The following LRP5 variants were observed in gnomAD, a reference collection of about 807,000 sequenced individuals.
LRP5 encodes the protein low-density lipoprotein receptor-related protein 5.
In LRP5, 62 loss-of-function variants were observed where a neutral mutation model predicts 154.1. The ratio of observed to expected loss-of-function variants is 0.40; its 90% CI spans 0.33 to 0.50. The LOEUF is 0.50. Ranked by LOEUF, LRP5 falls within the 20% of genes least tolerant of loss-of-function variation. The probability of loss-of-function intolerance (pLI) is 0.55; values close to 1 mark genes in which losing one functional copy is unlikely to be tolerated. For synonymous variants in LRP5, 966 were observed against 1,011.5 expected (o/e 0.96, Z 0.85); for missense variants, 1,915 against 2,336.7 (o/e 0.82, Z 3.72).
intron 8 of LRP5, among the ~76,000 whole-genome samples, chr11:68,404,776 C>T (rs190801300): frequency 6.2e-4 from 94 of 152,146 alleles, no homozygotes; most frequent in African/African-American, 1.8e-3. Flanking sequence ...CGAGACCATC[C>T]TGGCTAACAA....
rs566185910 is a variant in LRP5, at chr11:68,397,731, A to G, written c.1585-5752A>G. Among the ~76,000 whole-genome samples, 124 of 152,372 alleles carry G rather than the reference A, an allele frequency of 8.1e-4. 1 individual carries two copies. The highest frequency in any genetic ancestry group is 1.5e-3 in the Non-Finnish European group (102 of 68,030). On this transcript the variant is annotated intron_variant, in intron 7 of 22. Transcript: ENST00000294304. ...CCAGAGCAGAGACCCTCTGAGGTCC[A>G]GCCTGAGTTGGGGTCTCCGTGCTGA...
chr11:68,339,703 G>C (rs2098607825), intron 1 of LRP5, among the ~76,000 whole-genome samples: 1 of 152,152 alleles, frequency 6.6e-6, no homozygotes, highest in Non-Finnish European at 1.5e-5. Flanking sequence ...TCCGTCAGGT[G>C]GTGAATAGAC....
At chr11:68,341,925 C>G (rs116473278) in intron 1 of LRP5, among the ~76,000 whole-genome samples, 2,349 of 152,264 alleles carry the variant, frequency 0.015, 61 homozygotes, top group African/African-American at 0.053. Flanking sequence ...AGGCCGTGTC[C>G]TGGGTGTCTG....
chr11:68,324,217 A>G (rs1457259374), intron 1 of LRP5, among the ~76,000 whole-genome samples: 4 of 152,242 alleles, frequency 2.6e-5, no homozygotes, highest in African/African-American at 7.2e-5. Context: ...GCAGGTGACT[A>G]CCTGGCTGCG....
chr11:68,354,067 A>T (rs2098621008), intron 2 of LRP5, among the ~76,000 whole-genome samples: 1 of 152,222 alleles, frequency 6.6e-6, no homozygotes, highest in Non-Finnish European at 1.5e-5. Context: ...AAGGGGCTGC[A>T]GTGGCCCCCG....
At chr11:68,412,469 C>T (rs551435351) in intron 11 of LRP5, among the ~76,000 whole-genome samples, 4 of 151,982 alleles carry the variant, frequency 2.6e-5, no homozygotes, top group African/African-American at 9.7e-5. Flanking sequence ...AGTGAGACGC[C>T]ATCTCTACAA....
chr11:68,425,328 C>A, intron 15 of LRP5, 36 bp downstream of exon 15: 2 of 1,580,960 alleles, frequency 1.3e-6, no homozygotes, highest in Non-Finnish European at 1.7e-6. Flanking sequence ...CCGCAGACAC[C>A]CGGCCTTCAT....
intron 1 of LRP5, 147 bp from the exon 2 acceptor site, chr11:68,347,700 A>G (rs1279572840): frequency 3.0e-6 from 3 of 990,318 alleles, no homozygotes; most frequent in Non-Finnish European, 4.7e-6. Context: ...ACTTCCTGAC[A>G]ACGCCTTAGG....
At chr11:68,430,936 A>G (rs1373100364) in intron 17 of LRP5, among the ~76,000 whole-genome samples, 1 of 152,168 alleles carries the variant, frequency 6.6e-6, no homozygotes, top group Non-Finnish European at 1.5e-5. Context: ...AATTGAGAGC[A>G]CTTACCTGGC....
At chr11:68,327,716 C>T (rs531516527) in intron 1 of LRP5, among the ~76,000 whole-genome samples, 2 of 152,186 alleles carry the variant, frequency 1.3e-5, no homozygotes, top group East Asian at 1.9e-4. Context: ...GTGTGACAGG[C>T]GTGGAGGGTA....
chr11:68,330,537 G>C (rs2098602162), intron 1 of LRP5, among the ~76,000 whole-genome samples: 1 of 152,252 alleles, frequency 6.6e-6, no homozygotes, highest in Non-Finnish European at 1.5e-5. Context: ...GCCCTGGTGG[G>C]CTCCATGGGG....
In LRP5 at chr11:68,449,105, T is replaced by C. The variant is rs755186285; in HGVS notation, c.*35T>C. On this transcript the variant is annotated 3_prime_UTR_variant, in exon 23 of 23. Transcript: ENST00000294304. Reference sequence around the variant, plus strand: ...GGCCACTCTGGCTTCTCTGTGCCCCTGTAAATAGTTTTAAATATGAACAAA... The same window carrying C: ...GGCCACTCTGGCTTCTCTGTGCCCCCGTAAATAGTTTTAAATATGAACAAA... 9 of 1,487,888 alleles carry C rather than the reference T, an allele frequency of 6.0e-6. No individual in the cohort carries two copies. Among genetic ancestry groups the C allele is most frequent in the Non-Finnish European group, 8.0e-6 (9 of 1,121,550 alleles). 92.2% of individuals were successfully genotyped at this position (1,487,888 alleles called of 1,614,324 possible).
chr11:68,341,059 C>CTTTTTTTTTTTTT (rs576462333), intron 1 of LRP5, among the ~76,000 whole-genome samples: 10,398 of 82,080 alleles, frequency 0.13, 1,471 homozygotes, highest in Non-Finnish European at 0.2. Context: ...GGAGATTGTT[C>CTTTTTTTTTTTTT]TTTTTTTTTT....
chr11:68,359,133 G>T (rs1436318805), intron 3 of LRP5, among the ~76,000 whole-genome samples: 6 of 152,202 alleles, frequency 3.9e-5, no homozygotes, highest in Non-Finnish European at 7.3e-5. Context: ...GGTTTTTTAT[G>T]GGGAGGGAGT....
At chr11:68,326,082 A>G (rs2153116250) in intron 1 of LRP5, among the ~76,000 whole-genome samples, 1 of 152,346 alleles carries the variant, frequency 6.6e-6, no homozygotes, top group South Asian at 2.1e-4. Context: ...GAGCCTATTC[A>G]GTCGGTACCG....
chr11:68,303,663 T>G, the LRP5 span, among the ~76,000 whole-genome samples: 148 of 152,124 alleles, frequency 9.7e-4, no homozygotes, highest in Middle Eastern at 3.2e-3. Flanking sequence ...CAAGCTAATT[T>G]TTTTGTATTT....
chr11:68,302,345 CAAAAAAAAAAAA>C, the LRP5 span, among the ~76,000 whole-genome samples: 5 of 84,438 alleles, frequency 5.9e-5, no homozygotes, highest in East Asian at 1.0e-3. Flanking sequence ...GACTCCATCT[CAAAAAAAAAAAA>C]AAAAAAAAAA....
chr11:68,343,085 C>A (rs2098610086), intron 1 of LRP5, among the ~76,000 whole-genome samples: 1 of 152,220 alleles, frequency 6.6e-6, no homozygotes, highest in African/African-American at 2.4e-5. Context: ...GGCCTGTTGT[C>A]TGTGGGATCC....
intron 13 of LRP5, among the ~76,000 whole-genome samples, chr11:68,421,681 C>T (rs1034616139): frequency 1.4e-5 from 2 of 138,550 alleles, no homozygotes; most frequent in African/African-American, 5.4e-5. Context: ...AGCTGCCCAG[C>T]AAGGCTGTGT....
Sources: allele counts gnomAD v4.1 joint callset (sites outside exome capture counted in the v4.1 genomes callset), GRCh38; gene constraint gnomAD v4.1.1; transcripts MANE v1.5; gene names NCBI Gene and HGNC (gene_info 2026-07-23, HGNC 2026-07-21).